PCGF6: variants seen among roughly 807,000 people sequenced by gnomAD.
PCGF6 encodes the protein polycomb group ring finger 6, also known as polycomb group RING finger protein 6.
Under a neutral mutation model 45.5 loss-of-function variants are expected in PCGF6, and 24 were observed. The observed-to-expected ratio is 0.53, with a 90% CI of 0.38 to 0.74. The LOEUF is 0.74. PCGF6 is among the 30% of genes least tolerant of loss of function. The pLI is 0.00. For synonymous variants in PCGF6, 152 were observed against 162.1 expected, an observed-to-expected ratio of 0.94 and a Z score of 0.47; for missense variants, 356 against 443.2, an observed-to-expected ratio of 0.80 and a Z score of 1.77.
At chr10:103,335,020 G>A (rs1385419932) in intron 6 of PCGF6, among the ~76,000 whole-genome samples, 1 of 152,118 alleles carries the variant, frequency 6.6e-6, no homozygotes, top group Non-Finnish European at 1.5e-5. Context: ...GATTAGACAA[G>A]TTCACAATTC....
At chr10:103,325,444 A>C (rs1238883422) in intron 8 of PCGF6, among the ~76,000 whole-genome samples, 2 of 151,948 alleles carry the variant, frequency 1.3e-5, no homozygotes, top group Admixed American at 1.3e-4. Flanking sequence ...TAGTAGAGAT[A>C]GGGTTTCACC....
rs1208383654 is a variant in PCGF6, at chr10:103,351,123, G to T, written c.-57C>A. On this transcript the variant is annotated 5_prime_UTR_variant, in exon 1 of 10. Transcript: ENST00000369847. Reference sequence around the variant, plus strand: ...GCGGGAGAGCGCGGGAGTTCGGCCGGCCTCGGACGCCACCACTGCGCAGGC... The same window carrying T: ...GCGGGAGAGCGCGGGAGTTCGGCCGTCCTCGGACGCCACCACTGCGCAGGC... The T allele has an allele frequency of 1.5e-6, 2 of 1,329,656 alleles. No homozygotes were observed. The highest frequency in any genetic ancestry group is 2.8e-5 in the East Asian group (1 of 35,708). The allele number at this position is 1,329,656 out of a possible 1,614,324, so 82.4% of individuals were successfully genotyped here.
At chr10:103,321,917 A>C (rs2093199151) in intron 8 of PCGF6, among the ~76,000 whole-genome samples, 1 of 149,946 alleles carries the variant, frequency 6.7e-6, no homozygotes, top group African/African-American at 2.5e-5. Context: ...TTTTTTTGAG[A>C]CAGAGTCTCA....
At chr10:103,332,774 G>A (rs540855721) in intron 7 of PCGF6, among the ~76,000 whole-genome samples, 7 of 152,092 alleles carry the variant, frequency 4.6e-5, no homozygotes, top group East Asian at 1.9e-4. Flanking sequence ...GAACACCACC[G>A]GTTTGATGTT....
At chr10:103,322,882 A>AAAAAAAC (rs201745256) in intron 8 of PCGF6, among the ~76,000 whole-genome samples, 3 of 151,728 alleles carry the variant, frequency 2.0e-5, no homozygotes, top group East Asian at 3.9e-4. Context: ...TGCCACCAAA[A>AAAAAAAC]AAAAAACAAA....
At chr10:103,341,019 C>T (rs1298629584) in intron 6 of PCGF6, among the ~76,000 whole-genome samples, 2 of 151,918 alleles carry the variant, frequency 1.3e-5, no homozygotes, top group East Asian at 3.9e-4. Flanking sequence ...CACCTGAGGT[C>T]GGGAGATTGA....
chr10:103,339,263 G>A (rs2093269696), intron 6 of PCGF6, among the ~76,000 whole-genome samples: 1 of 151,990 alleles, frequency 6.6e-6, no homozygotes, highest in Non-Finnish European at 1.5e-5. Context: ...GATGGTGTGT[G>A]CCTATAGTCC....
At chr10:103,312,922 C>A (rs2093162561) in intron 9 of PCGF6, among the ~76,000 whole-genome samples, 1 of 152,126 alleles carries the variant, frequency 6.6e-6, no homozygotes, top group Admixed American at 6.6e-5. Context: ...GATCACGCCA[C>A]TGCACTCCAG....
chr10:103,341,072 A>G (rs2093278837), intron 6 of PCGF6, among the ~76,000 whole-genome samples: 1 of 151,810 alleles, frequency 6.6e-6, no homozygotes, highest in African/African-American at 2.4e-5. Flanking sequence ...TCTACTAAAA[A>G]TAGAAAATTA....
intron 1 of PCGF6, among the ~76,000 whole-genome samples, chr10:103,350,383 G>A (rs2093316613): frequency 6.6e-6 from 1 of 152,018 alleles, no homozygotes; most frequent in African/African-American, 2.4e-5. Flanking sequence ...AGGCTGCAGT[G>A]AGCCATGGTC....
intron 1 of PCGF6, among the ~76,000 whole-genome samples, chr10:103,349,665 G>A (rs975973704): frequency 1.2e-4 from 18 of 150,532 alleles, no homozygotes; most frequent in African/African-American, 3.6e-4. Flanking sequence ...ATTTTCAGTA[G>A]AGAAGGGGTT....
rs1471047344 is a variant in PCGF6, at chr10:103,303,830, T to C, written c.*75A>G. On this transcript the variant is annotated 3_prime_UTR_variant, in exon 10 of 10. Coordinates refer to ENST00000369847, the MANE Select transcript of PCGF6 (RefSeq NM_001011663.2). ...ACAGCAAAGTGGTAGCAATTACATT[T>C]CATGGAAATCTTTGGTGAGATGCAG... 4.6e-6 allele frequency: 6 copies of C among 1,293,446 alleles called. No homozygotes were observed. The highest frequency in any genetic ancestry group is 6.6e-6 in the Non-Finnish European group (6 of 904,236). 80.1% of individuals were successfully genotyped at this position (1,293,446 alleles called of 1,614,324 possible). A position where few individuals can be genotyped will look rare whatever the true frequency, so the allele number is the denominator to read the frequency against.
At chr10:103,312,041 C>T (rs1395761561) in intron 9 of PCGF6, among the ~76,000 whole-genome samples, 2 of 144,742 alleles carry the variant, frequency 1.4e-5, no homozygotes, top group East Asian at 2.0e-4. Context: ...GCCGAAATCA[C>T]GCCACTGCAC....
At chr10:103,323,407 C>T (rs1242583826) in intron 8 of PCGF6, among the ~76,000 whole-genome samples, 1 of 151,182 alleles carries the variant, frequency 6.6e-6, no homozygotes, top group Non-Finnish European at 1.5e-5. Context: ...AGTGATTCTC[C>T]TGCCTCAGCC....
chr10:103,330,698 C>T (rs527754358), intron 7 of PCGF6, among the ~76,000 whole-genome samples: 5 of 152,278 alleles, frequency 3.3e-5, no homozygotes, highest in South Asian at 2.1e-4. Flanking sequence ...GAGGCCAAGG[C>T]GGGTGGATCA....
intron 6 of PCGF6, among the ~76,000 whole-genome samples, chr10:103,343,054 G>A (rs539924694): frequency 3.3e-5 from 5 of 151,980 alleles, no homozygotes; most frequent in Non-Finnish European, 7.4e-5. Flanking sequence ...TCAGCCTCCC[G>A]AGTAGCTGGG....
intron 8 of PCGF6, among the ~76,000 whole-genome samples, chr10:103,322,517 G>C (rs930334518): frequency 6.7e-6 from 1 of 150,168 alleles, no homozygotes; most frequent in Non-Finnish European, 1.5e-5. Context: ...AAAATATTTT[G>C]TTTCTGTCAA....
chr10:103,304,140 CTTT>C (rs34732054), intron 9 of PCGF6, among the ~76,000 whole-genome samples, 179 bp from the exon 10 acceptor site: 1 of 142,730 alleles, frequency 7.0e-6, no homozygotes, highest in African/African-American at 2.6e-5. Context: ...TGTGAATGTG[CTTT>C]TTTTTTTTTT....
intron 8 of PCGF6, among the ~76,000 whole-genome samples, chr10:103,317,258 A>G (rs1438804120): frequency 6.6e-6 from 1 of 152,030 alleles, no homozygotes; most frequent in East Asian, 1.9e-4. Flanking sequence ...TGATCCGCCC[A>G]CCTCAGGCTC....
Sources: gnomAD v4.1 joint callset for allele counts (sites outside exome capture counted in the v4.1 genomes callset) on GRCh38, gnomAD v4.1.1 for gene constraint, MANE v1.5 for transcripts, NCBI Gene and HGNC (gene_info 2026-07-23, HGNC 2026-07-21) for gene names.